Variants in NRXN3 observed in about 807,000 individuals in gnomAD.
The protein encoded by NRXN3 is neurexin 3, also known as neurexin III.
NRXN3 carries 32 observed loss-of-function variants against 137.6 expected under a neutral mutation model. The ratio of observed to expected loss-of-function variants is 0.23; its 90% CI spans 0.18 to 0.31. The LOEUF (loss-of-function observed/expected upper bound fraction) is 0.31. Among genes scored for constraint, NRXN3 ranks in the 10% least tolerant of loss-of-function variants. The pLI, the probability that NRXN3 is intolerant of heterozygous loss-of-function variation, is 1.00. For synonymous variants in NRXN3, 798 were observed against 784.5 expected, an observed-to-expected ratio of 1.02 and a Z score of -0.29; for missense variants, 1,574 against 2,062.5, an observed-to-expected ratio of 0.76 and a Z score of 4.59.
At chr14:78,864,380 C>T (rs965943548) in intron 10 of NRXN3, among the ~76,000 whole-genome samples, 2 of 152,018 alleles carry the variant, frequency 1.3e-5, no homozygotes, top group African/African-American at 4.8e-5. Context: ...ATAAAACATC[C>T]TCACACTGAA....
At chr14:79,524,668 T>G (rs916154612) in intron 16 of NRXN3, among the ~76,000 whole-genome samples, 2 of 152,228 alleles carry the variant, frequency 1.3e-5, no homozygotes, top group African/African-American at 4.8e-5. Flanking sequence ...AGGAGAGTTT[T>G]TCCCTTGGCC....
At position 79,092,640 on chromosome 14, in the gene NRXN3, G is replaced by A. The variant is rs146341185; in HGVS notation, c.3262+104499G>A. On this transcript the variant is annotated intron_variant, in intron 15 of 20. Transcript: ENST00000335750. Reference sequence around the variant, plus strand: ...GTCAAATACAATTTGAAGTTTTGCTGAAGCTTCTTTCTCAATACATGCTTC... The same window carrying A: ...GTCAAATACAATTTGAAGTTTTGCTAAAGCTTCTTTCTCAATACATGCTTC... Among the ~76,000 whole-genome samples the A allele has an allele frequency of 6.0e-3, 911 of 152,272 alleles. 14 individuals carry two copies. Among genetic ancestry groups the A allele is most frequent in the South Asian group, 0.056 (272 of 4,824 alleles).
intron 16 of NRXN3, among the ~76,000 whole-genome samples, chr14:79,496,256 GAC>G (rs72461338): frequency 0.1 from 14,403 of 140,052 alleles, 799 homozygotes; most frequent in South Asian, 0.25. Flanking sequence ...CACACACACA[GAC>G]ACACACACAC....
At chr14:78,819,946 G>T (rs535071785) in intron 10 of NRXN3, among the ~76,000 whole-genome samples, 4 of 152,094 alleles carry the variant, frequency 2.6e-5, no homozygotes, top group Admixed American at 1.3e-4. Context: ...ATAAAAGCCT[G>T]CTATTTGCAT....
intron 15 of NRXN3, among the ~76,000 whole-genome samples, chr14:79,237,505 A>C (rs75138285): frequency 0.043 from 6,500 of 152,028 alleles, 213 homozygotes; most frequent in Non-Finnish European, 0.066. Flanking sequence ...GAAGGCATGG[A>C]GTTTGGCTGC....
intron 15 of NRXN3, among the ~76,000 whole-genome samples, chr14:79,127,019 A>T (rs375324886): frequency 6.6e-6 from 1 of 151,110 alleles, no homozygotes; most frequent in South Asian, 2.1e-4. Context: ...TTTTGATGGG[A>T]TTGTTTGTTT....
intron 4 of NRXN3, among the ~76,000 whole-genome samples, chr14:78,476,157 A>T (rs1289922569): frequency 6.6e-6 from 1 of 152,238 alleles, no homozygotes. Flanking sequence ...GTATTGGGCA[A>T]TGGAGATACA....
intron 16 of NRXN3, among the ~76,000 whole-genome samples, chr14:79,663,247 CGTGTGTGT>C (rs145244363): frequency 4.0e-5 from 6 of 149,470 alleles, no homozygotes; most frequent in Non-Finnish European, 7.4e-5. Context: ...TGTGTGTACG[CGTGTGTGT>C]GTGTGTGTGT....
chr14:79,713,845 G>T lies in NRXN3; in HGVS notation c.4014+15908G>T, dbSNP rs192942003. ...TTGAATTTTTTACATCCAGAAATGA[G>T]CATAAGCTCATTCCTCTGCTTCACA... On this transcript the variant is annotated intron_variant, in intron 19 of 20. Coordinates refer to ENST00000335750, the MANE Select transcript of NRXN3 (RefSeq NM_001330195.2). Among the ~76,000 whole-genome samples, 7 of 151,578 alleles carry T rather than the reference G, an allele frequency of 4.6e-5. No individual in the cohort carries two copies. In the East Asian group the frequency reaches 1.4e-3, roughly 30 times the overall value.
intron 4 of NRXN3, among the ~76,000 whole-genome samples, chr14:78,457,236 G>A (rs1488273811): frequency 1.3e-5 from 2 of 152,000 alleles, no homozygotes; most frequent in Admixed American, 6.6e-5. Flanking sequence ...ACTGGGTTTT[G>A]CCATGTTGGC....
chr14:79,835,309 C>G (rs1049342196), intron 20 of NRXN3, among the ~76,000 whole-genome samples: 1 of 152,052 alleles, frequency 6.6e-6, no homozygotes, highest in South Asian at 2.1e-4. Context: ...TTTTTATTTG[C>G]CAATTTGAAA....
At chr14:78,264,871 G>A (rs534012079) in intron 2 of NRXN3, among the ~76,000 whole-genome samples, 7 of 152,232 alleles carry the variant, frequency 4.6e-5, no homozygotes, top group African/African-American at 1.2e-4. Flanking sequence ...TTCCTGTTGC[G>A]GGGGCTTCCC....
chr14:79,436,875 C>T (rs1467564351), intron 15 of NRXN3, among the ~76,000 whole-genome samples: 2 of 152,168 alleles, frequency 1.3e-5, no homozygotes, highest in African/African-American at 2.4e-5. Flanking sequence ...GCCTGCACTC[C>T]GTTATCTACC....
intron 6 of NRXN3, among the ~76,000 whole-genome samples, chr14:78,686,848 G>T (rs1306541976): frequency 1.3e-5 from 2 of 152,140 alleles, no homozygotes; most frequent in African/African-American, 4.8e-5. Context: ...CACTGAATGT[G>T]ACTTTCTGCT....
intron 16 of NRXN3, among the ~76,000 whole-genome samples, chr14:79,584,584 C>T (rs1013746425): frequency 8.5e-5 from 13 of 152,144 alleles, no homozygotes; most frequent in Non-Finnish European, 1.5e-4. Context: ...TTGGGACACA[C>T]GCACTGTAAC....
intron 15 of NRXN3, among the ~76,000 whole-genome samples, chr14:79,340,343 T>A (rs1008588525): frequency 3.3e-5 from 5 of 152,204 alleles, no homozygotes; most frequent in Admixed American, 2.0e-4. Context: ...TTGACAACAC[T>A]GGTTAGTCAG....
At chr14:78,346,511 A>T (rs1210401605) in intron 4 of NRXN3, among the ~76,000 whole-genome samples, 2 of 152,166 alleles carry the variant, frequency 1.3e-5, no homozygotes, top group East Asian at 3.9e-4. Context: ...GGGGGCAGGT[A>T]TTAGGGCCCC....
At position 78,370,737 on chromosome 14, in the gene NRXN3, A is replaced by G. The variant is rs2086681810; in HGVS notation, c.757+72877A>G. Among the ~76,000 whole-genome samples the G allele has an allele frequency of 2.6e-5, 4 of 152,192 alleles. 1 individual carries two copies. In the South Asian group the frequency reaches 8.3e-4, roughly 32 times the overall value. On this transcript the variant is annotated intron_variant, in intron 4 of 20. Transcript: ENST00000335750. ...GTGATCTTTACATATAAGAAGAGGA[A>G]GGTAATGGGAAGGGTGAAAATCACT... is the stretch of plus-strand genomic sequence containing the variant.
intron 4 of NRXN3, among the ~76,000 whole-genome samples, chr14:78,359,837 C>T (rs558908898): frequency 8.5e-5 from 13 of 152,152 alleles, no homozygotes; most frequent in Non-Finnish European, 1.6e-4. Context: ...TCTCTCTTTC[C>T]GTGGAGGTGT....
Sources: gnomAD v4.1 joint callset for allele counts (sites outside exome capture counted in the v4.1 genomes callset) on GRCh38, gnomAD v4.1.1 for gene constraint, MANE v1.5 for transcripts, NCBI Gene and HGNC (gene_info 2026-07-23, HGNC 2026-07-21) for gene names.